Variants in RANBP17 observed in about 807,000 individuals in gnomAD.
The protein encoded by RANBP17 is ran-binding protein 17.
In RANBP17, 158 loss-of-function variants were observed where a neutral mutation model predicts 141.2. The ratio of observed to expected loss-of-function variants is 1.12; its 90% CI spans 0.98 to 1.28. The LOEUF (loss-of-function observed/expected upper bound fraction) is 1.28. RANBP17 is among the 50% of genes most tolerant of loss of function. The pLI, the probability that RANBP17 is intolerant of heterozygous loss-of-function variation, is 0.00. For missense variants in RANBP17, 1,438 were observed against 1,290.7 expected (o/e 1.11, Z -1.75); for synonymous variants, 430 against 450.0 (o/e 0.96, Z 0.56).
At chr5:170,875,994 T>C (rs770760435) in intron 1 of RANBP17, among the ~76,000 whole-genome samples, 3 of 152,192 alleles carry the variant, frequency 2.0e-5, no homozygotes, top group Non-Finnish European at 4.4e-5. Context: ...AATAGTCAGG[T>C]CCCTCTTCTG....
intron 3 of RANBP17, among the ~76,000 whole-genome samples, chr5:170,883,642 A>G (rs1581046825): frequency 6.6e-6 from 1 of 151,962 alleles, no homozygotes; most frequent in Non-Finnish European, 1.5e-5. Context: ...TACTGTCTCC[A>G]TAGCTTTGCC....
At chr5:171,130,729 G>GT (rs1339601741) in intron 14 of RANBP17, among the ~76,000 whole-genome samples, 5 of 151,964 alleles carry the variant, frequency 3.3e-5, no homozygotes, top group African/African-American at 1.2e-4. Flanking sequence ...TAGAAACACC[G>GT]TTTTATTTGT....
chr5:171,197,809 C>T (rs543905724), intron 18 of RANBP17, among the ~76,000 whole-genome samples: 58 of 152,250 alleles, frequency 3.8e-4, no homozygotes, highest in African/African-American at 1.2e-3. Flanking sequence ...GAGGCCGAGG[C>T]GGGCGGATCA....
At chr5:171,205,482 C>A in intron 19 of RANBP17, 42 bp from the exon 20 acceptor site, 1 of 1,521,782 alleles carries the variant, frequency 6.6e-7, no homozygotes, top group South Asian at 1.1e-5. Flanking sequence ...CTGCTCTGCG[C>A]TAACGTGAAA....
At chr5:170,945,459 C>G (rs1774675442) in intron 12 of RANBP17, among the ~76,000 whole-genome samples, 1 of 152,084 alleles carries the variant, frequency 6.6e-6, no homozygotes, top group African/African-American at 2.4e-5. Flanking sequence ...ATTTTACATG[C>G]AAAATACCAG....
intron 4 of RANBP17, among the ~76,000 whole-genome samples, chr5:170,893,008 G>A (rs1275592592): frequency 6.6e-6 from 1 of 151,988 alleles, no homozygotes; most frequent in Admixed American, 6.6e-5. Flanking sequence ...TCCAACTTAC[G>A]ATAAATTTTT....
At chr5:171,148,215 A>C (rs1421413365) in intron 14 of RANBP17, among the ~76,000 whole-genome samples, 2 of 152,082 alleles carry the variant, frequency 1.3e-5, no homozygotes, top group Non-Finnish European at 2.9e-5. Context: ...AGTCATCACC[A>C]ATCCCTAATC....
intron 12 of RANBP17, among the ~76,000 whole-genome samples, chr5:170,952,631 T>C (rs936738624): frequency 1.3e-5 from 2 of 152,054 alleles, no homozygotes; most frequent in Non-Finnish European, 2.9e-5. Context: ...TTTTCTTCAT[T>C]ATTCAGTTCC....
intron 14 of RANBP17, among the ~76,000 whole-genome samples, chr5:171,001,422 A>G (rs1037125426): frequency 3.3e-5 from 5 of 152,098 alleles, no homozygotes; most frequent in South Asian, 2.1e-4. Flanking sequence ...AGGGGGTTCA[A>G]TGTTATTGTT....
At chr5:171,276,734 T>G (rs1056505734) in intron 25 of RANBP17, among the ~76,000 whole-genome samples, 9 of 152,102 alleles carry the variant, frequency 5.9e-5, no homozygotes, top group African/African-American at 2.2e-4. Flanking sequence ...TAGAGAATAT[T>G]TCATAAGGGA....
At chr5:171,184,635 T>C (rs1016279705) in intron 18 of RANBP17, among the ~76,000 whole-genome samples, 1 of 152,190 alleles carries the variant, frequency 6.6e-6, no homozygotes, top group Non-Finnish European at 1.5e-5. Flanking sequence ...ACAAAAATGG[T>C]AACTATAGAG....
intron 14 of RANBP17, among the ~76,000 whole-genome samples, chr5:170,978,609 A>C (rs2127545821): frequency 6.6e-6 from 1 of 152,314 alleles, no homozygotes; most frequent in African/African-American, 2.4e-5. Flanking sequence ...AAAAAGATCA[A>C]AAGTGTACAT....
At chr5:171,080,843 G>C (rs1281151980) in intron 14 of RANBP17, among the ~76,000 whole-genome samples, 1 of 152,108 alleles carries the variant, frequency 6.6e-6, no homozygotes, top group Non-Finnish European at 1.5e-5. Context: ...ACTGGCCTTG[G>C]TAATGTAGAG....
In RANBP17 at chr5:171,254,120, G is replaced by A. The variant is rs868769688; in HGVS notation, c.2776+11300G>A. Reference sequence around the variant, plus strand: ...AAATTAGCCGGGTGTGGTGGCATGCGCCTGTAGTCCCAGCTACTTGGGAGG... The same window carrying A: ...AAATTAGCCGGGTGTGGTGGCATGCACCTGTAGTCCCAGCTACTTGGGAGG... On this transcript the variant is annotated intron_variant, in intron 24 of 27. Coordinates refer to ENST00000523189, the MANE Select transcript of RANBP17 (RefSeq NM_022897.5). Among the ~76,000 whole-genome samples the A allele has an allele frequency of 7.2e-5, 11 of 151,976 alleles. No individual in the cohort carries two copies. The South Asian group carries it at 1.7e-3, about 23-fold the overall frequency.
At chr5:171,010,747 A>G (rs1416580695) in intron 14 of RANBP17, among the ~76,000 whole-genome samples, 2 of 152,176 alleles carry the variant, frequency 1.3e-5, no homozygotes, top group Non-Finnish European at 1.5e-5. Flanking sequence ...TATAGATGTT[A>G]AAAGGATTAT....
chr5:170,871,441 G>T (rs190191114), intron 1 of RANBP17, among the ~76,000 whole-genome samples: 1 of 152,252 alleles, frequency 6.6e-6, no homozygotes, highest in Non-Finnish European at 1.5e-5. Flanking sequence ...TGTCACATGG[G>T]TTGATTGCAA....
intron 14 of RANBP17, among the ~76,000 whole-genome samples, chr5:171,095,143 T>C (rs1330715944): frequency 6.6e-6 from 1 of 152,230 alleles, no homozygotes; most frequent in Non-Finnish European, 1.5e-5. Context: ...TAGTCTGTGA[T>C]ATTCTGTTAT....
intron 14 of RANBP17, among the ~76,000 whole-genome samples, chr5:171,070,163 T>A (rs951119752): frequency 6.6e-6 from 1 of 152,126 alleles, no homozygotes. Flanking sequence ...CAAACTTCAA[T>A]AGGACAGATT....
intron 14 of RANBP17, among the ~76,000 whole-genome samples, chr5:171,006,908 G>A (rs1348761185): frequency 1.3e-5 from 2 of 152,070 alleles, no homozygotes; most frequent in Non-Finnish European, 2.9e-5. Context: ...GTAAGCTGCC[G>A]TTTTAAGCCC....
Sources: allele counts gnomAD v4.1 joint callset (sites outside exome capture counted in the v4.1 genomes callset), GRCh38; gene constraint gnomAD v4.1.1; transcripts MANE v1.5; gene names NCBI Gene and HGNC (gene_info 2026-07-23, HGNC 2026-07-21).